Variants in LRMDA observed in about 807,000 individuals in gnomAD.
LRMDA encodes leucine-rich melanocyte differentiation-associated protein.
A neutral mutation model predicts 29.8 loss-of-function variants in LRMDA; 18 were observed. That is an observed-to-expected ratio of 0.60 (90% CI 0.42 to 0.90). The LOEUF is 0.90. LRMDA is among the 40% of genes least tolerant of loss of function. The pLI, the probability that LRMDA is intolerant of heterozygous loss-of-function variation, is 0.00. For missense variants in LRMDA, 273 were observed against 273.9 expected (o/e 1.00, Z 0.02); for synonymous variants, 125 against 109.4 (o/e 1.14, Z -0.89).
At chr10:75,642,796 G>C (rs964080190) in intron 2 of LRMDA, 6 of 152,190 alleles carry the variant, frequency 3.9e-5, no homozygotes, top group Admixed American at 3.9e-4. Flanking sequence ...GCAGACCCAG[G>C]CTCTGGTTCT....
At chr10:76,050,776 G>A (rs146610737) in intron 4 of LRMDA, among the ~76,000 whole-genome samples, 1 of 152,330 alleles carries the variant, frequency 6.6e-6, no homozygotes, top group Non-Finnish European at 1.5e-5. Context: ...GCCCAGAATG[G>A]TCTATTTCTT....
intron 5 of LRMDA, among the ~76,000 whole-genome samples, chr10:76,317,255 T>C (rs1366858833): frequency 6.6e-6 from 1 of 152,216 alleles, no homozygotes. Context: ...GAGAGGAATA[T>C]AGGACATATC....
intron 6 of LRMDA, chr10:76,402,389 G>C (rs1219192107): frequency 2.0e-5 from 3 of 152,104 alleles, no homozygotes; most frequent in African/African-American, 7.2e-5. Flanking sequence ...TTCTTGCTGT[G>C]TCACCCAGGC....
At chr10:75,598,174 G>T (rs1354627423) in intron 2 of LRMDA, among the ~76,000 whole-genome samples, 1 of 152,112 alleles carries the variant, frequency 6.6e-6, no homozygotes, top group Non-Finnish European at 1.5e-5. Flanking sequence ...GTGTATTTTC[G>T]AATTGTGCAT....
At chr10:75,778,376 C>A (rs1009824330) in intron 2 of LRMDA, among the ~76,000 whole-genome samples, 1 of 152,160 alleles carries the variant, frequency 6.6e-6, no homozygotes, top group Non-Finnish European at 1.5e-5. Context: ...CCATGCCTGG[C>A]CTTGTCCGTC....
At chr10:75,476,897 T>G (rs1185606564) in intron 2 of LRMDA, among the ~76,000 whole-genome samples, 1 of 152,166 alleles carries the variant, frequency 6.6e-6, no homozygotes, top group Non-Finnish European at 1.5e-5. Context: ...CTCCTTGGCT[T>G]GCAGAAGGCT....
At chr10:76,287,319 C>T (rs1270039298) in intron 5 of LRMDA, among the ~76,000 whole-genome samples, 1 of 152,024 alleles carries the variant, frequency 6.6e-6, no homozygotes, top group Non-Finnish European at 1.5e-5. Flanking sequence ...AGGGCCAGAC[C>T]AGATTTCATC....
chr10:75,693,006 T>C (rs1842190706), intron 2 of LRMDA, among the ~76,000 whole-genome samples: 1 of 152,134 alleles, frequency 6.6e-6, no homozygotes, highest in African/African-American at 2.4e-5. Flanking sequence ...CATCCTGCCC[T>C]GTTCAGGAGC....
At chr10:75,620,843 C>CT (rs1048690828) in intron 2 of LRMDA, among the ~76,000 whole-genome samples, 4 of 152,024 alleles carry the variant, frequency 2.6e-5, no homozygotes, top group Non-Finnish European at 5.9e-5. Flanking sequence ...TAATTTTTAA[C>CT]TTTTTTATTT....
chr10:76,157,452 G>GT (rs1194389339), intron 5 of LRMDA, among the ~76,000 whole-genome samples: 2 of 151,914 alleles, frequency 1.3e-5, no homozygotes, highest in African/African-American at 2.4e-5. Flanking sequence ...TGCCAAAAAA[G>GT]TTTTTTAAAA....
intron 2 of LRMDA, among the ~76,000 whole-genome samples, chr10:76,016,629 C>T (rs1026633780): frequency 6.6e-6 from 1 of 152,084 alleles, no homozygotes; most frequent in Admixed American, 6.5e-5. Context: ...TTATGCCAGG[C>T]GTTATTCACT....
intron 5 of LRMDA, 141 bp from the exon 6 acceptor site, chr10:76,324,260 C>G: frequency 1.3e-6 from 1 of 765,406 alleles, no homozygotes; most frequent in East Asian, 2.5e-5. Context: ...TCAACAAAAA[C>G]AGCTCTTGCT....
chr10:75,936,774 G>C (rs1846302646), intron 2 of LRMDA, among the ~76,000 whole-genome samples: 1 of 152,064 alleles, frequency 6.6e-6, no homozygotes, highest in African/African-American at 2.4e-5. Flanking sequence ...TCCCATTCAG[G>C]GGGGCTCCAC....
intron 2 of LRMDA, among the ~76,000 whole-genome samples, chr10:75,956,842 C>G (rs1173284551): frequency 6.6e-6 from 1 of 152,200 alleles, no homozygotes; most frequent in Non-Finnish European, 1.5e-5. Context: ...TGATCTTAGT[C>G]ACATGGCTTC....
chr10:76,361,048 G>A (rs1005315317), intron 6 of LRMDA, among the ~76,000 whole-genome samples: 4 of 152,116 alleles, frequency 2.6e-5, no homozygotes, highest in Admixed American at 6.5e-5. Context: ...ATCGCTGGAC[G>A]TCAGGAGTTC....
chr10:75,639,754 T>C (rs1403129084), intron 2 of LRMDA, among the ~76,000 whole-genome samples: 1 of 152,152 alleles, frequency 6.6e-6, no homozygotes, highest in East Asian at 1.9e-4. Flanking sequence ...TGTTGATTAA[T>C]AGGAGTGAGA....
At chr10:75,692,848 C>G (rs1842188798) in intron 2 of LRMDA, among the ~76,000 whole-genome samples, 1 of 152,076 alleles carries the variant, frequency 6.6e-6, no homozygotes, top group African/African-American at 2.4e-5. Flanking sequence ...TCAGCACAAC[C>G]TTGCCTCTAT....
At chr10:75,551,990 C>T (rs1240860249) in intron 2 of LRMDA, among the ~76,000 whole-genome samples, 1 of 152,134 alleles carries the variant, frequency 6.6e-6, no homozygotes, top group East Asian at 1.9e-4. Context: ...ATTCAGTGAG[C>T]TGTGATTGCA....
At chr10:75,557,035 C>T (rs1267079187) in intron 2 of LRMDA, among the ~76,000 whole-genome samples, 2 of 151,932 alleles carry the variant, frequency 1.3e-5, no homozygotes, top group South Asian at 2.1e-4. Context: ...AAAATGGGGC[C>T]AGGCATGGTG....
Sources: gnomAD v4.1 joint callset for allele counts (sites outside exome capture counted in the v4.1 genomes callset) on GRCh38, gnomAD v4.1.1 for gene constraint, MANE v1.5 for transcripts, NCBI Gene and HGNC (gene_info 2026-07-23, HGNC 2026-07-21) for gene names.